UST: variants seen among roughly 807,000 people sequenced by gnomAD.
The protein encoded by UST is chondroitin sulfate 2-O-sulfotransferase.
UST carries 21 observed loss-of-function variants against 45.6 expected under a neutral mutation model. That is an observed-to-expected ratio of 0.46 (90% CI 0.33 to 0.66). The LOEUF is 0.66. Ranked by LOEUF, UST falls within the 30% of genes least tolerant of loss-of-function variation. The probability of loss-of-function intolerance (pLI) is 0.02; values close to 1 mark genes in which losing one functional copy is unlikely to be tolerated. For synonymous variants in UST, 215 were observed against 200.6 expected (o/e 1.07, Z -0.61); for missense variants, 463 against 512.4 (o/e 0.90, Z 0.93).
chr6:148,799,782 T>G (rs146513081), intron 1 of UST, among the ~76,000 whole-genome samples: 1 of 152,276 alleles, frequency 6.6e-6, no homozygotes, highest in Non-Finnish European at 1.5e-5. Context: ...AATCCTTTAT[T>G]TTACCTATAT....
chr6:148,974,347 A>G (rs546540997), intron 5 of UST, among the ~76,000 whole-genome samples: 12 of 152,220 alleles, frequency 7.9e-5, no homozygotes, highest in South Asian at 4.2e-4. Context: ...AACAAGTTAT[A>G]CAATAAATAA....
intron 1 of UST, among the ~76,000 whole-genome samples, chr6:148,815,555 G>A (rs1362691966): frequency 6.6e-6 from 1 of 151,962 alleles, no homozygotes; most frequent in African/African-American, 2.4e-5. Flanking sequence ...ATAAATATTT[G>A]TTAACTGAAA....
intron 5 of UST, among the ~76,000 whole-genome samples, chr6:148,975,516 A>T (rs1316597109): frequency 1.3e-5 from 2 of 152,226 alleles, no homozygotes; most frequent in African/African-American, 4.8e-5. Flanking sequence ...TCCAGTGTGT[A>T]TCTGACTTTG....
chr6:148,763,322 G>T (rs148431354), intron 1 of UST, among the ~76,000 whole-genome samples: 2 of 152,212 alleles, frequency 1.3e-5, no homozygotes, highest in East Asian at 3.9e-4. Flanking sequence ...AAAAATGTCT[G>T]TTCATGTCCT....
At chr6:148,923,277 T>C (rs1438393873) in intron 2 of UST, among the ~76,000 whole-genome samples, 1 of 152,260 alleles carries the variant, frequency 6.6e-6, no homozygotes, top group East Asian at 1.9e-4. Flanking sequence ...TTTGGGGACA[T>C]ATCTTGGGTA....
intron 2 of UST, among the ~76,000 whole-genome samples, chr6:148,940,299 C>T (rs1349513232): frequency 6.7e-6 from 1 of 150,354 alleles, no homozygotes; most frequent in African/African-American, 2.5e-5. Flanking sequence ...CCAGCTTGGG[C>T]AACATGGTGA....
chr6:148,954,207 A>T (rs1395239236), intron 4 of UST, among the ~76,000 whole-genome samples: 2 of 152,212 alleles, frequency 1.3e-5, no homozygotes, highest in African/African-American at 4.8e-5. Flanking sequence ...GCTCTTTTTT[A>T]AAAAGGAATC....
chr6:148,921,577 G>C (rs1039528833), intron 2 of UST, among the ~76,000 whole-genome samples: 12 of 152,166 alleles, frequency 7.9e-5, no homozygotes, highest in African/African-American at 2.9e-4. Flanking sequence ...TATTGTGTTA[G>C]AATTAATTAA....
intron 7 of UST, among the ~76,000 whole-genome samples, chr6:149,058,732 T>A (rs1313204822): frequency 6.6e-6 from 1 of 152,218 alleles, no homozygotes; most frequent in African/African-American, 2.4e-5. Context: ...GAGATACATT[T>A]TGTTGATAAA....
At chr6:148,812,477 G>A (rs1777276943) in intron 1 of UST, among the ~76,000 whole-genome samples, 1 of 152,180 alleles carries the variant, frequency 6.6e-6, no homozygotes, top group South Asian at 2.1e-4. Flanking sequence ...TGGGGGTCAG[G>A]AATCCAAGAG....
intron 2 of UST, among the ~76,000 whole-genome samples, chr6:148,890,012 T>C (rs1018183862): frequency 1.3e-5 from 2 of 152,130 alleles, no homozygotes; most frequent in Admixed American, 1.3e-4. Flanking sequence ...TTTTATAAAC[T>C]CTTTACTAAG....
intron 1 of UST, among the ~76,000 whole-genome samples, chr6:148,865,706 GTGTGTGT>G (rs1439272414): frequency 0.024 from 3,378 of 139,558 alleles, 60 homozygotes; most frequent in East Asian, 0.071. Flanking sequence ...GTGTGTGTGT[GTGTGTGT>G]GAATTCAGAG....
intron 7 of UST, among the ~76,000 whole-genome samples, chr6:149,032,078 C>T (rs926930836): frequency 4.6e-5 from 7 of 152,210 alleles, no homozygotes; most frequent in African/African-American, 1.7e-4. Context: ...ACTCACCCTG[C>T]CTTTAAGACG....
intron 5 of UST, among the ~76,000 whole-genome samples, chr6:148,968,332 C>T (rs935742896): frequency 6.6e-6 from 1 of 152,214 alleles, no homozygotes; most frequent in African/African-American, 2.4e-5. Flanking sequence ...ACTCTTCTTC[C>T]TTTGCATTTC....
intron 2 of UST, among the ~76,000 whole-genome samples, chr6:148,932,760 C>G (rs972725311): frequency 6.6e-6 from 1 of 152,142 alleles, no homozygotes; most frequent in African/African-American, 2.4e-5. Flanking sequence ...GTACAGCATG[C>G]AGGCTATTGT....
chr6:148,876,968 G>T (rs1277456611), intron 1 of UST, among the ~76,000 whole-genome samples: 1 of 111,228 alleles, frequency 9.0e-6, no homozygotes, highest in Non-Finnish European at 1.8e-5. Flanking sequence ...TGAAGTGTGT[G>T]GGGGATCATG....
At position 148,811,141 on chromosome 6, in the gene UST, TCTATGGGTCAGCTGGG is replaced by T. The variant is rs767151808; in HGVS notation, c.247+63466_247+63481del. ...AGGATACATCGATTATTGCTCATGA[TCTATGGGTCAGCTGGG>T]CAGTTCTTCTGGTCTTACCTGGGGG... On this transcript the variant is annotated intron_variant, in intron 1 of 7. Coordinates refer to ENST00000367463, the MANE Select transcript of UST (RefSeq NM_005715.3). Among the ~76,000 whole-genome samples the T allele has an allele frequency of 5.8e-4, 89 of 152,190 alleles. 1 individual carries two copies. Among genetic ancestry groups the T allele is most frequent in the Non-Finnish European group, 1.2e-3 (80 of 68,038 alleles).
At chr6:149,000,233 A>G (rs1230298198) in intron 5 of UST, among the ~76,000 whole-genome samples, 1 of 152,234 alleles carries the variant, frequency 6.6e-6, no homozygotes, top group Non-Finnish European at 1.5e-5. Context: ...ATGCCCTTAT[A>G]AGAGGCTAGA....
intron 4 of UST, among the ~76,000 whole-genome samples, chr6:148,957,823 C>A (rs745674580): frequency 2.6e-5 from 4 of 152,204 alleles, no homozygotes; most frequent in Non-Finnish European, 5.9e-5. Context: ...AAGAAACCTA[C>A]CCTTATAGCT....
Sources: allele counts gnomAD v4.1 joint callset (sites outside exome capture counted in the v4.1 genomes callset), GRCh38; gene constraint gnomAD v4.1.1; transcripts MANE v1.5; gene names NCBI Gene and HGNC (gene_info 2026-07-23, HGNC 2026-07-21).